TBC1D19: variants seen among roughly 807,000 people sequenced by gnomAD.
TBC1D19 encodes the protein TBC1 domain family member 19.
In TBC1D19, 60 loss-of-function variants were observed where a neutral mutation model predicts 89.0. The observed-to-expected ratio is 0.67, with a 90% CI of 0.55 to 0.84. The LOEUF (loss-of-function observed/expected upper bound fraction) is 0.84, where lower values mean the gene tolerates loss of function less well. TBC1D19 is among the 40% of genes least tolerant of loss of function. The pLI, the probability that TBC1D19 is intolerant of heterozygous loss-of-function variation, is 0.00. For synonymous variants in TBC1D19, 189 were observed against 199.7 expected (o/e 0.95, Z 0.45); for missense variants, 500 against 610.8 (o/e 0.82, Z 1.91).
At chr4:26,689,641 AATCTGTGATTAGTG>A (rs1215513460) in intron 13 of TBC1D19, among the ~76,000 whole-genome samples, 1 of 152,192 alleles carries the variant, frequency 6.6e-6, no homozygotes, top group African/African-American at 2.4e-5. Context: ...CTGATTTAGT[AATCTGTGATTAGTG>A]ATCTTTGATG....
At chr4:26,691,674 A>G (rs1714305245) in intron 13 of TBC1D19, among the ~76,000 whole-genome samples, 1 of 152,210 alleles carries the variant, frequency 6.6e-6, no homozygotes, top group South Asian at 2.1e-4. Flanking sequence ...ATAGTGTAGT[A>G]TAAACATAGC....
chr4:26,756,487 G>C (rs937503375), downstream of TBC1D19, among the ~76,000 whole-genome samples: 4 of 152,030 alleles, frequency 2.6e-5, no homozygotes, highest in Non-Finnish European at 4.4e-5. Flanking sequence ...CCTCAGATGG[G>C]GGAATTTTGG....
intron 13 of TBC1D19, among the ~76,000 whole-genome samples, chr4:26,702,931 C>T (rs1231006297): frequency 1.3e-5 from 2 of 152,170 alleles, no homozygotes; most frequent in Non-Finnish European, 2.9e-5. Flanking sequence ...TTTTAGATAC[C>T]TCATGTAGTA....
intron 13 of TBC1D19, among the ~76,000 whole-genome samples, chr4:26,691,746 A>G (rs1714309925): frequency 1.3e-5 from 2 of 152,192 alleles, no homozygotes; most frequent in Non-Finnish European, 2.9e-5. Flanking sequence ...TATTCACTTT[A>G]TTGTGGTGGT....
chr4:26,724,637 C>G (rs11947882), intron 15 of TBC1D19, among the ~76,000 whole-genome samples: 8,294 of 152,230 alleles, frequency 0.054, 800 homozygotes, highest in African/African-American at 0.19. Context: ...ATAAAAACCC[C>G]TCTTTCAGTC....
intron 10 of TBC1D19, among the ~76,000 whole-genome samples, 185 bp from the exon 11 acceptor site, chr4:26,673,591 T>A (rs1712532029): frequency 6.6e-6 from 1 of 151,606 alleles, no homozygotes. Context: ...GGCTTGCAAC[T>A]GGGAGGGCTG....
chr4:26,793,096 G>A, the TBC1D19 span, among the ~76,000 whole-genome samples: 1,046 of 152,268 alleles, frequency 6.9e-3, 7 homozygotes, highest in African/African-American at 0.024. Flanking sequence ...GGAGGACCAA[G>A]TAATGTGGAA....
chr4:26,613,865 G>T (rs1741519546), intron 2 of TBC1D19, among the ~76,000 whole-genome samples: 1 of 152,122 alleles, frequency 6.6e-6, no homozygotes, highest in Non-Finnish European at 1.5e-5. Flanking sequence ...GGAGAGAGAG[G>T]TTCCCTAGTC....
At chr4:26,625,571 C>T (rs564432454) in intron 4 of TBC1D19, among the ~76,000 whole-genome samples, 1 of 152,238 alleles carries the variant, frequency 6.6e-6, no homozygotes, top group South Asian at 2.1e-4. Flanking sequence ...TGTCCTTGTT[C>T]TGACCCAGGA....
intron 8 of TBC1D19, among the ~76,000 whole-genome samples, chr4:26,661,088 C>T (rs1276792755): frequency 2.6e-5 from 4 of 152,074 alleles, no homozygotes; most frequent in Non-Finnish European, 4.4e-5. Flanking sequence ...AAGTCTGGAT[C>T]AGGAGAAGTT....
intron 1 of TBC1D19, among the ~76,000 whole-genome samples, chr4:26,593,760 C>T (rs1486740973): frequency 6.6e-6 from 1 of 152,204 alleles, no homozygotes; most frequent in Non-Finnish European, 1.5e-5. Flanking sequence ...CACTGGCCAT[C>T]AGAGAAATGC....
At chr4:26,584,422 CAG>C in intron 1 of TBC1D19, 130 bp downstream of exon 1, 3 of 809,554 alleles carry the variant, frequency 3.7e-6, no homozygotes, top group Non-Finnish European at 1.9e-6. Flanking sequence ...AAAAAACAAA[CAG>C]ACAAAAACAA....
intron 1 of TBC1D19, among the ~76,000 whole-genome samples, chr4:26,601,782 TTTGA>T (rs1251426339): frequency 3.3e-5 from 5 of 152,208 alleles, no homozygotes; most frequent in African/African-American, 9.6e-5. Context: ...TTCTACTCTT[TTTGA>T]TTCTTACATT....
intron 13 of TBC1D19, among the ~76,000 whole-genome samples, chr4:26,691,245 C>T (rs1707190515): frequency 6.6e-6 from 1 of 152,170 alleles, no homozygotes; most frequent in African/African-American, 2.4e-5. Context: ...AAAGTCATTT[C>T]TTGAGATGGA....
chr4:26,600,030 G>A (rs542588550), intron 1 of TBC1D19, among the ~76,000 whole-genome samples: 5 of 148,810 alleles, frequency 3.4e-5, no homozygotes, highest in Admixed American at 2.7e-4. Flanking sequence ...GATCAGCAAT[G>A]TTATTTTATG....
intron 1 of TBC1D19, among the ~76,000 whole-genome samples, chr4:26,608,656 G>A (rs903919690): frequency 6.6e-6 from 1 of 151,986 alleles, no homozygotes; most frequent in African/African-American, 2.4e-5. Flanking sequence ...TCTTCTCTCC[G>A]AATCATTTTC....
At chr4:26,672,087 T>G (rs1712362319) in intron 9 of TBC1D19, 62 bp from the exon 10 acceptor site, 1 of 780,778 alleles carries the variant, frequency 1.3e-6, no homozygotes, top group Non-Finnish European at 1.8e-6. Flanking sequence ...GTATCTAATG[T>G]TGTTCTAAAT....
At chr4:26,642,583 T>C (rs1743620608) in intron 7 of TBC1D19, among the ~76,000 whole-genome samples, 1 of 152,136 alleles carries the variant, frequency 6.6e-6, no homozygotes, top group African/African-American at 2.4e-5. Context: ...ATAACAATAT[T>C]AACCTTAAAT....
chr4:26,637,101 C>T (rs1323689106), intron 4 of TBC1D19, 110 bp from the exon 5 acceptor site: 3 of 739,996 alleles, frequency 4.1e-6, no homozygotes, highest in African/African-American at 1.8e-5. Flanking sequence ...ATAAGGATAA[C>T]CAATCTCAAC....
Sources: allele counts gnomAD v4.1 joint callset (sites outside exome capture counted in the v4.1 genomes callset), GRCh38; gene constraint gnomAD v4.1.1; transcripts MANE v1.5; gene names NCBI Gene and HGNC (gene_info 2026-07-23, HGNC 2026-07-21).